Variants in FAT3 observed in about 807,000 individuals in gnomAD.
The protein encoded by FAT3 is protocadherin Fat 3.
A neutral mutation model predicts 310.2 loss-of-function variants in FAT3; 95 were observed. That is an observed-to-expected ratio of 0.31 (90% CI 0.26 to 0.36). FAT3 has a LOEUF of 0.36. FAT3 is among the 10% of genes least tolerant of loss of function. The probability of loss-of-function intolerance (pLI) is 1.00; values close to 1 mark genes in which losing one functional copy is unlikely to be tolerated. For synonymous variants in FAT3, 2,314 were observed against 2,192.9 expected, an observed-to-expected ratio of 1.06 and a Z score of -1.54; for missense variants, 5,408 against 5,715.6, an observed-to-expected ratio of 0.95 and a Z score of 1.74.
intron 2 of FAT3, among the ~76,000 whole-genome samples, chr11:92,442,131 T>TTGG (rs1951089485): frequency 7.6e-6 from 1 of 130,778 alleles, no homozygotes; most frequent in Non-Finnish European, 1.6e-5. Context: ...TTTTTTTTTT[T>TTGG]GAGATGGAGT....
intron 3 of FAT3, among the ~76,000 whole-genome samples, chr11:92,561,866 T>G (rs1192119154): frequency 6.6e-6 from 1 of 152,152 alleles, no homozygotes; most frequent in African/African-American, 2.4e-5. Context: ...CCTCAAGTGA[T>G]CCACCCATCT....
intron 3 of FAT3, among the ~76,000 whole-genome samples, chr11:92,630,101 G>C (rs1467993167): frequency 1.3e-5 from 2 of 152,076 alleles, no homozygotes; most frequent in Non-Finnish European, 2.9e-5. Context: ...TCTCTTGTGT[G>C]GGTGAAAATG....
At chr11:92,748,188 ATG>A (rs1258298058) in intron 4 of FAT3, among the ~76,000 whole-genome samples, 1 of 152,204 alleles carries the variant, frequency 6.6e-6, no homozygotes, top group Non-Finnish European at 1.5e-5. Context: ...TGGAAGGTGA[ATG>A]AGGAGTAAAT....
rs968715356 is a variant in FAT3 at position 92,354,369 on chromosome 11, G to A, written c.2257G>A (p.Ala753Thr). The change falls in exon 2 of 28, where the codon GCC becomes ACC. Residue 753 changes from alanine (A) to threonine (T), a missense_variant. Around this residue, in one of 5 missense-constraint regions of FAT3, gnomAD observed 4,588 missense variants for 4,809.8 expected, o/e 0.95. Coordinates refer to ENST00000525166, the MANE Select transcript of FAT3 (RefSeq NM_001367949.2). The stretch of plus-strand genomic sequence containing the variant: ...CATTCTGAAGATTAAAGCCTATGAT[G>A]CCGACTCTGGCTTCAATGGAAAAGT... ...ANILKIKAYD[A>T]DSGFNGKVLF... The A allele has an allele frequency of 6.2e-7, 1 of 1,613,904 alleles. No individual in the cohort carries two copies. The highest frequency in any genetic ancestry group is 8.5e-7 in the Non-Finnish European group (1 of 1,179,872).
At chr11:92,598,230 A>ATTTTTT (rs397770261) in intron 3 of FAT3, among the ~76,000 whole-genome samples, 39 of 134,450 alleles carry the variant, frequency 2.9e-4, no homozygotes, top group African/African-American at 1.1e-3. Context: ...ATATATATAT[A>ATTTTTT]TTTTTTTTTT....
At chr11:92,246,552 GGGA>G (rs748226421) in intron 1 of FAT3, among the ~76,000 whole-genome samples, 2 of 152,036 alleles carry the variant, frequency 1.3e-5, no homozygotes, top group Non-Finnish European at 2.9e-5. Context: ...TTTCAGCAGG[GGGA>G]GGAGGAGAAG....
intron 1 of FAT3, among the ~76,000 whole-genome samples, chr11:92,259,773 A>G (rs535421579): frequency 1.3e-5 from 2 of 152,274 alleles, no homozygotes; most frequent in East Asian, 3.9e-4. Flanking sequence ...CAGACCTGCC[A>G]TTGAAAACCA....
At chr11:92,470,757 A>G (rs1951882733) in intron 2 of FAT3, among the ~76,000 whole-genome samples, 1 of 152,214 alleles carries the variant, frequency 6.6e-6, no homozygotes, top group Non-Finnish European at 1.5e-5. Context: ...TTTCAGTGCT[A>G]CTTGTAATCT....
intron 2 of FAT3, among the ~76,000 whole-genome samples, chr11:92,424,364 G>A (rs1017845213): frequency 2.0e-5 from 3 of 152,126 alleles, no homozygotes; most frequent in African/African-American, 7.2e-5. Flanking sequence ...TGAAATGACT[G>A]GAGGAGAATG....
chr11:92,741,132 T>C (rs575916110), intron 4 of FAT3, among the ~76,000 whole-genome samples: 1 of 152,250 alleles, frequency 6.6e-6, no homozygotes, highest in South Asian at 2.1e-4. Context: ...GCCTGCACTT[T>C]TTGTGCTCAA....
chr11:92,321,540 G>C (rs987335957), intron 1 of FAT3, among the ~76,000 whole-genome samples: 3 of 151,744 alleles, frequency 2.0e-5, no homozygotes, highest in African/African-American at 7.3e-5. Flanking sequence ...GATCTAATTA[G>C]ACAAAAAAAT....
At chr11:92,521,283 G>T (rs1157349501) in intron 2 of FAT3, among the ~76,000 whole-genome samples, 2 of 152,004 alleles carry the variant, frequency 1.3e-5, no homozygotes, top group Non-Finnish European at 2.9e-5. Context: ...ACCTTACTTT[G>T]ATGTTCCCCA....
intron 22 of FAT3, among the ~76,000 whole-genome samples, chr11:92,879,843 G>T (rs749557646): frequency 6.6e-6 from 1 of 152,106 alleles, no homozygotes; most frequent in Non-Finnish European, 1.5e-5. Context: ...AGGTTGCTTC[G>T]GAGGAAGTGT....
Position 92,800,122 on chromosome 11 carries a change from G to A in FAT3, c.7109G>A (p.Gly2370Asp), listed in dbSNP as rs574389091. The A allele has an allele frequency of 1.9e-6, 3 of 1,613,938 alleles. No homozygotes were observed. ...TTGAAAGTCAGATCAATAGATAGTG[G>A]CTTCCCATCACTGAGCAGTGAGGTT... ...CTLKVRSIDS[G>D]FPSLSSEVLV... The change falls in exon 10 of 28, where the codon GGC (glycine) becomes GAC (aspartate). Residue 2370 changes from glycine (G) to aspartate (D), a missense_variant. Transcript: ENST00000525166.
chr11:92,456,827 A>G (rs1951505883), intron 2 of FAT3, among the ~76,000 whole-genome samples: 1 of 152,068 alleles, frequency 6.6e-6, no homozygotes, highest in Non-Finnish European at 1.5e-5. Context: ...GTACCGTGGC[A>G]TGTGTAAGGT....
At chr11:92,389,337 A>G (rs1297823569) in intron 2 of FAT3, among the ~76,000 whole-genome samples, 1 of 152,212 alleles carries the variant, frequency 6.6e-6, no homozygotes, top group Non-Finnish European at 1.5e-5. Context: ...GCTTTTGCCC[A>G]TAACGGACCT....
At chr11:92,530,875 C>T (rs1399987961) in intron 3 of FAT3, among the ~76,000 whole-genome samples, 1 of 147,562 alleles carries the variant, frequency 6.8e-6, no homozygotes. Flanking sequence ...GGAAACCTTA[C>T]TTTATTTACA....
intron 22 of FAT3, among the ~76,000 whole-genome samples, chr11:92,869,244 T>C (rs1949324892): frequency 6.6e-6 from 1 of 152,248 alleles, no homozygotes. Flanking sequence ...CTCTGTTCCG[T>C]TGAGGGAGCC....
At chr11:92,405,677 G>A (rs939369992) in intron 2 of FAT3, among the ~76,000 whole-genome samples, 1 of 152,188 alleles carries the variant, frequency 6.6e-6, no homozygotes, top group Non-Finnish European at 1.5e-5. Context: ...CTTGGGACTA[G>A]GAGCTTGAAG....
Sources: gnomAD v4.1 joint callset for allele counts (sites outside exome capture counted in the v4.1 genomes callset) on GRCh38, gnomAD v4.1.1 for gene constraint, gnomAD v4.1.1 regional missense constraint, MANE v1.5 for transcripts, NCBI Gene and HGNC (gene_info 2026-07-23, HGNC 2026-07-21) for gene names.